Variants in SIK3 observed in about 807,000 individuals in gnomAD.
The protein encoded by SIK3 is serine/threonine-protein kinase SIK3.
In SIK3, 28 loss-of-function variants were observed where a neutral mutation model predicts 144.2. That is an observed-to-expected ratio of 0.19 (90% CI 0.14 to 0.27). The LOEUF (loss-of-function observed/expected upper bound fraction) is 0.27. SIK3 is among the 10% of genes least tolerant of loss of function. The pLI is 1.00. For synonymous variants in SIK3, 686 were observed against 676.3 expected, an observed-to-expected ratio of 1.01 and a Z score of -0.22; for missense variants, 1,319 against 1,776.0, an observed-to-expected ratio of 0.74 and a Z score of 4.62.
intron 1 of SIK3, among the ~76,000 whole-genome samples, chr11:116,965,734 A>AATATATATACATAT (rs1949505761): frequency 5.1e-5 from 6 of 118,402 alleles, no homozygotes; most frequent in African/African-American, 2.2e-4. Context: ...TCTCTGCTAA[A>AATATATATACATAT]ATATATATAT....
chr11:117,025,536 C>T (rs1951971092), intron 1 of SIK3, among the ~76,000 whole-genome samples: 1 of 151,926 alleles, frequency 6.6e-6, no homozygotes, highest in Admixed American at 6.6e-5. Flanking sequence ...ACTTCTGCCT[C>T]CCAGGCTCAA....
chr11:116,903,618 G>A (rs1053534995), intron 4 of SIK3, among the ~76,000 whole-genome samples: 1 of 152,178 alleles, frequency 6.6e-6, no homozygotes, highest in Non-Finnish European at 1.5e-5. Context: ...GTCTTGCTCT[G>A]TTTCCCAGAT....
At chr11:117,081,631 ATAAAT>A (rs548429668) in intron 1 of SIK3, among the ~76,000 whole-genome samples, 113 of 152,340 alleles carry the variant, frequency 7.4e-4, no homozygotes, top group Non-Finnish European at 9.1e-4. Flanking sequence ...CTCAAAATAA[ATAAAT>A]TAATCAAAAA....
At position 116,875,259 on chromosome 11, in the gene SIK3, C is replaced by G; in HGVS notation, c.1326G>C (p.Gly442=). Residue 442 remains glycine, a synonymous_variant, in exon 11 of 25, where the codon GGG becomes GGC. Coordinates refer to ENST00000445177, the MANE Select transcript of SIK3 (RefSeq NM_001366686.3). ...CCTCATCACTGTCCAAATTCAGTGT[C>G]CCATCCGGCTGAGGTGGAGGGAAAC... is the stretch of plus-strand genomic sequence containing the variant. ...NPENQIVEPD[G]TLNLDSDEGE... is the part of the protein sequence containing the mutation. The G allele has an allele frequency of 6.2e-7, 1 of 1,614,102 alleles. No individual in the cohort carries two copies. Among genetic ancestry groups the G allele is most frequent in the Non-Finnish European group, 8.5e-7 (1 of 1,179,978 alleles).
intron 4 of SIK3, among the ~76,000 whole-genome samples, chr11:116,900,370 A>T (rs1945668545): frequency 6.6e-6 from 1 of 152,048 alleles, no homozygotes; most frequent in African/African-American, 2.4e-5. Context: ...TCATACTCTT[A>T]TCATCCCTAG....
chr11:117,001,517 AT>A (rs397814177), intron 1 of SIK3, among the ~76,000 whole-genome samples: 6 of 151,268 alleles, frequency 4.0e-5, no homozygotes, highest in African/African-American at 1.2e-4. Flanking sequence ...AAAAAAAAAA[AT>A]TTAAAATAAA....
intron 1 of SIK3, among the ~76,000 whole-genome samples, chr11:117,076,176 T>C (rs1954529317): frequency 6.6e-6 from 1 of 151,994 alleles, no homozygotes; most frequent in Non-Finnish European, 1.5e-5. Flanking sequence ...AAACTTACCG[T>C]TGCAGGGTTC....
intron 6 of SIK3, among the ~76,000 whole-genome samples, chr11:116,892,278 G>A (rs1945165056): frequency 1.3e-5 from 2 of 152,082 alleles, no homozygotes; most frequent in South Asian, 4.1e-4. Context: ...AGATGGAGAA[G>A]GTGCTTCCAG....
At chr11:117,008,075 C>CAAAAAAAAAAAAAAAAAAA (rs59486431) in intron 1 of SIK3, among the ~76,000 whole-genome samples, 1 of 54,666 alleles carries the variant, frequency 1.8e-5, no homozygotes, top group Non-Finnish European at 3.2e-5. Flanking sequence ...GACTCCATCT[C>CAAAAAAAAAAAAAAAAAAA]AAAAAAAAAA....
intron 3 of SIK3, among the ~76,000 whole-genome samples, chr11:116,943,401 A>G (rs903061423): frequency 2.0e-5 from 3 of 152,036 alleles, no homozygotes; most frequent in Non-Finnish European, 4.4e-5. Context: ...TTTCCAACCA[A>G]CTCCTCTAAG....
intron 3 of SIK3, among the ~76,000 whole-genome samples, chr11:116,951,361 A>G (rs1328205783): frequency 1.3e-5 from 2 of 152,118 alleles, no homozygotes; most frequent in African/African-American, 2.4e-5. Flanking sequence ...TTTCTTCCAC[A>G]TCTGGATCTT....
chr11:117,039,041 C>A (rs1453364289), intron 1 of SIK3, among the ~76,000 whole-genome samples: 2 of 151,762 alleles, frequency 1.3e-5, no homozygotes, highest in Non-Finnish European at 2.9e-5. Context: ...CGGAGTGAGA[C>A]TCCATCTCAA....
intron 3 of SIK3, among the ~76,000 whole-genome samples, chr11:116,945,833 T>A (rs1325036485): frequency 6.6e-6 from 1 of 152,180 alleles, no homozygotes; most frequent in African/African-American, 2.4e-5. Context: ...AATCAACTTA[T>A]TTAGCTATTC....
intron 1 of SIK3, among the ~76,000 whole-genome samples, chr11:117,052,138 A>G (rs78442878): frequency 0.17 from 26,212 of 150,488 alleles, 2,593 homozygotes; most frequent in African/African-American, 0.28. Context: ...AAACCCTGGG[A>G]AAAAAAAAGA....
chr11:116,907,820 T>A (rs1369373871), intron 4 of SIK3, among the ~76,000 whole-genome samples: 1 of 152,060 alleles, frequency 6.6e-6, no homozygotes, highest in African/African-American at 2.4e-5. Flanking sequence ...TGGTAGACAC[T>A]GTATATCAAT....
At chr11:116,956,467 G>A (rs960102266) in intron 2 of SIK3, among the ~76,000 whole-genome samples, 4 of 152,042 alleles carry the variant, frequency 2.6e-5, no homozygotes, top group Non-Finnish European at 5.9e-5. Context: ...TAGAAAAGAG[G>A]TAGGTTTTGA....
At chr11:116,893,382 A>G (rs1183092870) in intron 6 of SIK3, among the ~76,000 whole-genome samples, 3 of 152,138 alleles carry the variant, frequency 2.0e-5, no homozygotes, top group African/African-American at 4.8e-5. Flanking sequence ...GCTCTAACAT[A>G]TAACTCTAAA....
chr11:116,992,814 T>C (rs1292400485), intron 1 of SIK3, among the ~76,000 whole-genome samples: 4 of 152,108 alleles, frequency 2.6e-5, no homozygotes, highest in Non-Finnish European at 5.9e-5. Context: ...AGGGACCTCA[T>C]CTCTACAGAA....
chr11:116,906,066 T>C (rs1946013557), intron 4 of SIK3, among the ~76,000 whole-genome samples: 1 of 152,214 alleles, frequency 6.6e-6, no homozygotes, highest in Non-Finnish European at 1.5e-5. Flanking sequence ...GAGCCACACT[T>C]ACAGGCAATA....
Sources: gnomAD v4.1 joint callset for allele counts (sites outside exome capture counted in the v4.1 genomes callset) on GRCh38, gnomAD v4.1.1 for gene constraint, MANE v1.5 for transcripts, NCBI Gene and HGNC (gene_info 2026-07-23, HGNC 2026-07-21) for gene names.